NAV2: variants seen among roughly 807,000 people sequenced by gnomAD.
The protein encoded by NAV2 is helicase, APC down-regulated 1.
In NAV2, 54 loss-of-function variants were observed where a neutral mutation model predicts 223.2. That is an observed-to-expected ratio of 0.24 (90% CI 0.19 to 0.30). NAV2 has a LOEUF of 0.30. NAV2 is among the 10% of genes least tolerant of loss of function. The probability of loss-of-function intolerance (pLI) is 1.00; values close to 1 mark genes in which losing one functional copy is unlikely to be tolerated. For missense variants in NAV2, 2,806 were observed against 3,147.5 expected, an observed-to-expected ratio of 0.89 and a Z score of 2.60; for synonymous variants, 1,279 against 1,239.3, an observed-to-expected ratio of 1.03 and a Z score of -0.67.
chr11:19,457,817 G>A (rs573807209), intron 1 of NAV2, among the ~76,000 whole-genome samples: 1 of 152,274 alleles, frequency 6.6e-6, no homozygotes, highest in East Asian at 1.9e-4. Flanking sequence ...ACGTGACAAA[G>A]CCCCCACCCT....
intron 1 of NAV2, among the ~76,000 whole-genome samples, chr11:19,796,636 G>A (rs1009359292): frequency 4.6e-5 from 7 of 152,150 alleles, no homozygotes; most frequent in South Asian, 2.1e-4. Context: ...GTGCCCAGTC[G>A]CTAAGCCACA....
intron 1 of NAV2, among the ~76,000 whole-genome samples, chr11:19,469,086 A>G (rs1477548599): frequency 6.6e-6 from 1 of 152,222 alleles, no homozygotes; most frequent in Non-Finnish European, 1.5e-5. Flanking sequence ...GTATTCAGAA[A>G]CTGCAGTCCT....
In NAV2 at chr11:20,119,558, C is replaced by A. The variant is rs1181297415; in HGVS notation, c.*1300C>A. On this transcript the variant is annotated 3_prime_UTR_variant, in exon 38 of 38. Coordinates refer to ENST00000349880, the MANE Select transcript of NAV2 (RefSeq NM_145117.5). Reference sequence around the variant, plus strand: ...CAGCTCAATAAGGGTGAGGGTCACTCCCTCCCAGAAGCCCCGTCTGGACGA... The same window carrying A: ...CAGCTCAATAAGGGTGAGGGTCACTACCTCCCAGAAGCCCCGTCTGGACGA... 6.6e-6 allele frequency: 1 copy of A among 152,666 alleles called. No individual in the cohort carries two copies. The highest frequency in any genetic ancestry group is 6.5e-5 in the Admixed American group (1 of 15,282). 9.5% of individuals were successfully genotyped at this position (152,666 alleles called of 1,614,324 possible). A position where few individuals can be genotyped will look rare whatever the true frequency, so the allele number is the denominator to read the frequency against.
chr11:19,919,903 A>T (rs531243361), intron 6 of NAV2, among the ~76,000 whole-genome samples: 96 of 152,222 alleles, frequency 6.3e-4, no homozygotes, highest in African/African-American at 2.3e-3. Flanking sequence ...GGAGGCCAAG[A>T]CAGGAGGATT....
At chr11:19,566,132 C>T (rs1181887940) in intron 1 of NAV2, among the ~76,000 whole-genome samples, 1 of 151,510 alleles carries the variant, frequency 6.6e-6, no homozygotes, top group Non-Finnish European at 1.5e-5. Context: ...GCAGTGGCAC[C>T]ATCACAGCTC....
intron 1 of NAV2, among the ~76,000 whole-genome samples, chr11:19,676,422 G>A (rs915339402): frequency 3.3e-5 from 5 of 152,076 alleles, no homozygotes; most frequent in African/African-American, 1.2e-4. Context: ...TTACAACCTA[G>A]CACAATGCTT....
chr11:19,961,189 G>A (rs534127294), intron 10 of NAV2, among the ~76,000 whole-genome samples: 63 of 152,078 alleles, frequency 4.1e-4, no homozygotes, highest in Middle Eastern at 3.4e-3. Flanking sequence ...GGCTCAAGCA[G>A]TCCTCCCACC....
At chr11:19,635,522 C>T (rs1218320279) in intron 1 of NAV2, among the ~76,000 whole-genome samples, 1 of 152,088 alleles carries the variant, frequency 6.6e-6, no homozygotes, top group Non-Finnish European at 1.5e-5. Context: ...CTGGAAAGTC[C>T]AAGATTGGGC....
intron 2 of NAV2, among the ~76,000 whole-genome samples, chr11:19,840,822 C>T (rs539703947): frequency 2.9e-4 from 44 of 152,284 alleles, no homozygotes; most frequent in Admixed American, 5.9e-4. Context: ...AGACTTATTT[C>T]TTAGTTCCAC....
intron 10 of NAV2, among the ~76,000 whole-genome samples, chr11:19,975,269 G>T (rs1439097588): frequency 2.0e-5 from 3 of 152,198 alleles, no homozygotes; most frequent in African/African-American, 7.2e-5. Flanking sequence ...TCAGAAGTGT[G>T]CCCTGCCTGC....
intron 6 of NAV2, among the ~76,000 whole-genome samples, chr11:19,930,737 C>T (rs2045254361): frequency 6.6e-6 from 1 of 152,138 alleles, no homozygotes; most frequent in African/African-American, 2.4e-5. Context: ...GAAAACTTTA[C>T]ATCTGCCCCA....
intron 20 of NAV2, among the ~76,000 whole-genome samples, chr11:20,063,222 A>G (rs1321391636): frequency 2.0e-5 from 3 of 152,210 alleles, no homozygotes; most frequent in Non-Finnish European, 2.9e-5. Flanking sequence ...CAATGAATAT[A>G]GTACACACAG....
intron 1 of NAV2, among the ~76,000 whole-genome samples, chr11:19,618,219 T>C: frequency 6.6e-6 from 1 of 152,200 alleles, no homozygotes; most frequent in South Asian, 2.1e-4. Flanking sequence ...GATGGATGGA[T>C]GGATAGATGG....
At chr11:19,407,707 C>G (rs976574472) in intron 1 of NAV2, among the ~76,000 whole-genome samples, 3 of 151,812 alleles carry the variant, frequency 2.0e-5, no homozygotes, top group African/African-American at 7.3e-5. Context: ...CCGCATGCCC[C>G]CCTTCCAACT....
chr11:19,852,769 C>CAGGCCTA (rs61681053), intron 3 of NAV2, among the ~76,000 whole-genome samples: 70,822 of 151,820 alleles, frequency 0.47, 16,567 homozygotes, highest in South Asian at 0.52. Context: ...GCACCTGGCA[C>CAGGCCTA]AGGCCTAGGT....
intron 1 of NAV2, among the ~76,000 whole-genome samples, chr11:19,646,046 C>A (rs2047807495): frequency 6.6e-6 from 1 of 152,188 alleles, no homozygotes; most frequent in Admixed American, 6.5e-5. Context: ...GGCAGTGATA[C>A]CTCATTGGCT....
At chr11:19,792,524 C>G (rs1040352806) in intron 1 of NAV2, among the ~76,000 whole-genome samples, 1 of 152,162 alleles carries the variant, frequency 6.6e-6, no homozygotes, top group Non-Finnish European at 1.5e-5. Flanking sequence ...AAGAGAAAAC[C>G]TCTATTCCTC....
intron 1 of NAV2, among the ~76,000 whole-genome samples, chr11:19,515,871 A>T (rs1466404289): frequency 6.6e-6 from 1 of 152,202 alleles, no homozygotes; most frequent in Non-Finnish European, 1.5e-5. Context: ...GAGGCATGTG[A>T]GTGACAGAAA....
intron 1 of NAV2, among the ~76,000 whole-genome samples, chr11:19,522,566 C>T (rs1209086183): frequency 1.3e-5 from 2 of 152,192 alleles, no homozygotes; most frequent in Non-Finnish European, 2.9e-5. Context: ...CCATGAGGCC[C>T]TCCTGAGCCT....
Sources: gnomAD v4.1 joint callset for allele counts (sites outside exome capture counted in the v4.1 genomes callset) on GRCh38, gnomAD v4.1.1 for gene constraint, MANE v1.5 for transcripts, NCBI Gene and HGNC (gene_info 2026-07-23, HGNC 2026-07-21) for gene names.